The following LIMS2 variants were observed in gnomAD, a reference collection of about 807,000 sequenced individuals.
LIMS2 encodes the protein LIM and senescent cell antigen-like-containing domain protein 2.
LIMS2 carries 30 observed loss-of-function variants against 45.3 expected under a neutral mutation model. That is an observed-to-expected ratio of 0.66 (90% CI 0.50 to 0.90). The LOEUF is 0.90. Ranked by LOEUF, LIMS2 falls within the 40% of genes least tolerant of loss-of-function variation. The probability of loss-of-function intolerance (pLI) is 0.00; values close to 1 mark genes in which losing one functional copy is unlikely to be tolerated. For missense variants in LIMS2, 485 were observed against 468.7 expected, an observed-to-expected ratio of 1.03 and a Z score of -0.32; for synonymous variants, 173 against 188.0, an observed-to-expected ratio of 0.92 and a Z score of 0.65.
chr2:127,676,524 G>A (rs1200186112), upstream of LIMS2, among the ~76,000 whole-genome samples: 3 of 147,996 alleles, frequency 2.0e-5, no homozygotes, highest in African/African-American at 7.6e-5. Flanking sequence ...CGATTCTCCT[G>A]CCTCAGCCTC....
At chr2:127,661,920 C>G (rs1217138537) in intron 1 of LIMS2, among the ~76,000 whole-genome samples, 1 of 152,148 alleles carries the variant, frequency 6.6e-6, no homozygotes, top group Non-Finnish European at 1.5e-5. Flanking sequence ...TCCCCCATTC[C>G]GGATTCTGTT....
In LIMS2 at chr2:127,664,608, G is replaced by A; in HGVS notation, c.12-7046C>T. ...ATAGAAAGGATATTGTTCGCGCCGC[G>A]GGGGCAGCTCCTGAAAGCTGAGGCT... is the stretch of plus-strand genomic sequence containing the variant. On this transcript the variant is annotated intron_variant, in intron 1 of 9. Transcript: ENST00000355119. The surrounding 1 kb of genome is among the most constrained non-coding windows in gnomAD (Gnocchi z 5.5). 9.0e-7 allele frequency: 1 copy of A among 1,116,894 alleles called. No individual in the cohort carries two copies. Among genetic ancestry groups the A allele is most frequent in the Non-Finnish European group, 1.1e-6 (1 of 915,348 alleles). 69.2% of individuals were successfully genotyped at this position (1,116,894 alleles called of 1,614,324 possible).
intron 1 of LIMS2, among the ~76,000 whole-genome samples, chr2:127,665,501 G>A (rs74803709): frequency 0.055 from 8,317 of 152,278 alleles, 345 homozygotes; most frequent in African/African-American, 0.1. Flanking sequence ...ATTGGGTACA[G>A]TATAATTTGT....
chr2:127,649,342 A>G (rs570258208), intron 4 of LIMS2, among the ~76,000 whole-genome samples: 3 of 152,278 alleles, frequency 2.0e-5, no homozygotes, highest in Non-Finnish European at 2.9e-5. Context: ...TGCTGCCACA[A>G]TGGGCACAGG....
At chr2:127,648,945 G>A (rs1410569496) in intron 4 of LIMS2, among the ~76,000 whole-genome samples, 8 of 37,176 alleles carry the variant, frequency 2.2e-4, no homozygotes, top group African/African-American at 7.6e-4. Flanking sequence ...AAAAAAGAGA[G>A]GGAGGGGAGG....
intron 4 of LIMS2, chr2:127,643,581 G>A: frequency 2.2e-6 from 1 of 456,672 alleles, no homozygotes; most frequent in Non-Finnish European, 4.4e-6. Flanking sequence ...TGCTATGTCA[G>A]ATGGAGGCCC....
chr2:127,668,204 G>T (rs1685100007), intron 1 of LIMS2, among the ~76,000 whole-genome samples: 1 of 152,096 alleles, frequency 6.6e-6, no homozygotes, highest in African/African-American at 2.4e-5. Flanking sequence ...CATGTTCATG[G>T]ATTGGAAAAC....
At position 127,642,553 on chromosome 2, in the gene LIMS2, G is replaced by A; in HGVS notation, c.510-354C>T. ...GGGTGGGCGAGGACGGGGGCTGAGGGGCTGCCTATGCAACTCCTCTCTCCA... is the reference window on the plus strand; with the variant it reads ...GGGTGGGCGAGGACGGGGGCTGAGGAGCTGCCTATGCAACTCCTCTCTCCA... On this transcript the variant is annotated intron_variant, in intron 5 of 9. Transcript: ENST00000355119. The surrounding 1 kb of genome is among the most constrained non-coding windows in gnomAD (Gnocchi z 5.3). 1 of 365,444 alleles carries A rather than the reference G, an allele frequency of 2.7e-6. No homozygotes were observed. Among genetic ancestry groups the A allele is most frequent in the South Asian group, 5.1e-5 (1 of 19,448 alleles). 22.6% of individuals were successfully genotyped at this position (365,444 alleles called of 1,614,324 possible).
upstream of LIMS2, among the ~76,000 whole-genome samples, chr2:127,675,842 C>A (rs1685486281): frequency 6.6e-6 from 1 of 152,234 alleles, no homozygotes; most frequent in South Asian, 2.1e-4. Flanking sequence ...AGGCGTCCCT[C>A]TTCAGTCGCA....
chr2:127,678,423 T>A (rs1297868975), upstream of LIMS2, among the ~76,000 whole-genome samples: 1 of 152,174 alleles, frequency 6.6e-6, no homozygotes, highest in Non-Finnish European at 1.5e-5. This position sits in a 1 kb window ranked among gnomAD's most constrained non-coding sequence, Gnocchi z 5.3. Flanking sequence ...TTGAACTTTT[T>A]CATAGCAAAA....
chr2:127,639,885 T>C (rs1350935891), intron 9 of LIMS2, among the ~76,000 whole-genome samples, 185 bp downstream of exon 9: 3 of 151,018 alleles, frequency 2.0e-5, no homozygotes, highest in African/African-American at 7.4e-5. Context: ...GTCCCTGGGG[T>C]CCCTGGATCC....
intron 1 of LIMS2, among the ~76,000 whole-genome samples, chr2:127,665,483 C>T (rs954297043): frequency 6.6e-4 from 101 of 152,118 alleles, no homozygotes; most frequent in African/African-American, 2.3e-3. Flanking sequence ...AGTCAAGTGA[C>T]GACAAGCATT....
intron 1 of LIMS2, among the ~76,000 whole-genome samples, chr2:127,658,382 C>G (rs1684399376): frequency 6.6e-6 from 1 of 152,122 alleles, no homozygotes; most frequent in African/African-American, 2.4e-5. Flanking sequence ...AAGACCCTGT[C>G]TCAAAATAAA....
intron 4 of LIMS2, chr2:127,644,163 C>T: frequency 2.2e-6 from 1 of 453,688 alleles, no homozygotes; most frequent in Non-Finnish European, 4.4e-6. Flanking sequence ...GGGCAAGGGG[C>T]CCAAACAAAG....
intron 6 of LIMS2, 93 bp from the exon 7 acceptor site, chr2:127,641,081 G>T (rs1682361667): frequency 2.1e-6 from 2 of 973,602 alleles, no homozygotes; most frequent in African/African-American, 3.2e-5. Context: ...GACCCCAGGA[G>T]CCAGTGACTC....
At chr2:127,679,607 A>AC (rs112792486), upstream of LIMS2, among the ~76,000 whole-genome samples, 1 of 151,500 alleles carries the variant, frequency 6.6e-6, no homozygotes, top group Non-Finnish European at 1.5e-5. The surrounding 1 kb of genome is among the most constrained non-coding windows in gnomAD (Gnocchi z 5.3). Context: ...GAGTTTCTCC[A>AC]CCCCCCACCT....
intron 7 of LIMS2, 164 bp from the exon 8 acceptor site, chr2:127,640,482 T>A: frequency 1.4e-6 from 1 of 709,994 alleles, no homozygotes; most frequent in South Asian, 1.7e-5. Context: ...CGGCAACCCA[T>A]GAGAACCACC....
chr2:127,664,474 C>T lies in LIMS2; in HGVS notation c.12-6912G>A. On this transcript the variant is annotated intron_variant, in intron 1 of 9. Transcript: ENST00000355119. This position sits in a 1 kb window ranked among gnomAD's most constrained non-coding sequence, Gnocchi z 5.5. ...CCACCTCGGAGGGGAGGCGCGGCCGCCTGGGGCCAGACACCAAGACGGGAC... is the reference window on the plus strand; with the variant it reads ...CCACCTCGGAGGGGAGGCGCGGCCGTCTGGGGCCAGACACCAAGACGGGAC... The T allele has an allele frequency of 2.5e-6, 3 of 1,178,620 alleles. No individual in the cohort carries two copies. Among genetic ancestry groups the T allele is most frequent in the African/African-American group, 1.6e-5 (1 of 62,410 alleles). 73.0% of individuals were successfully genotyped at this position (1,178,620 alleles called of 1,614,324 possible).
intron 4 of LIMS2, among the ~76,000 whole-genome samples, chr2:127,644,317 G>A (rs1488892279): frequency 2.0e-5 from 3 of 152,188 alleles, no homozygotes; most frequent in Admixed American, 6.5e-5. Context: ...AGGGAGCCTC[G>A]GTGGGCATCA....
Sources: allele counts gnomAD v4.1 joint callset (sites outside exome capture counted in the v4.1 genomes callset), GRCh38; gene constraint gnomAD v4.1.1; non-coding constraint Gnocchi (gnomAD v3.1); transcripts MANE v1.5; gene names NCBI Gene and HGNC (gene_info 2026-07-23, HGNC 2026-07-21).